USH2A: variants seen among roughly 807,000 people sequenced by gnomAD.
USH2A encodes the protein usherin.
In USH2A, 443 loss-of-function variants were observed where a neutral mutation model predicts 538.9. The observed-to-expected ratio is 0.82, with a 90% CI of 0.76 to 0.89. The LOEUF (loss-of-function observed/expected upper bound fraction) is 0.89. USH2A is among the 40% of genes least tolerant of loss of function. The probability of loss-of-function intolerance (pLI) is 0.00; values close to 1 mark genes in which losing one functional copy is unlikely to be tolerated. For synonymous variants in USH2A, 2,413 were observed against 2,273.5 expected (o/e 1.06, Z -1.75); for missense variants, 6,633 against 6,324.8 (o/e 1.05, Z -1.65).
intron 37 of USH2A, among the ~76,000 whole-genome samples, chr1:215,951,083 T>G (rs1285122334): frequency 1.3e-5 from 2 of 152,194 alleles, no homozygotes; most frequent in Admixed American, 1.3e-4. Context: ...AGTTATTTCT[T>G]GCCTTCTGCT....
At chr1:215,861,838 C>CT (rs11461966) in intron 44 of USH2A, among the ~76,000 whole-genome samples, 41,670 of 109,208 alleles carry the variant, frequency 0.38, 9,656 homozygotes, top group Admixed American at 0.44. Flanking sequence ...GTAGTTTTCG[C>CT]TTTTTTTTTT....
chr1:216,407,510 A>G (rs1397722089), intron 3 of USH2A, among the ~76,000 whole-genome samples: 1 of 152,110 alleles, frequency 6.6e-6, no homozygotes. Flanking sequence ...GCTGCATAGA[A>G]TACTTTTGAA....
chr1:215,883,368 G>T (rs570311462), intron 41 of USH2A, among the ~76,000 whole-genome samples: 2 of 151,682 alleles, frequency 1.3e-5, no homozygotes, highest in African/African-American at 4.8e-5. Context: ...TTTTTTTGGT[G>T]GGTGGGGGGG....
At chr1:216,173,847 A>T in intron 21 of USH2A, 1 of 585,438 alleles carries the variant, frequency 1.7e-6, no homozygotes, top group Non-Finnish European at 2.2e-6. Context: ...ACACATCTCA[A>T]GCCAAATATT....
intron 43 of USH2A, among the ~76,000 whole-genome samples, chr1:215,872,299 A>G (rs1664643148): frequency 6.6e-6 from 1 of 152,352 alleles, no homozygotes; most frequent in East Asian, 1.9e-4. Context: ...TAGACACTTT[A>G]AAAAATCTAT....
At chr1:215,662,681 C>G (rs191455905) in intron 64 of USH2A, among the ~76,000 whole-genome samples, 9 of 152,280 alleles carry the variant, frequency 5.9e-5, no homozygotes, top group Non-Finnish European at 1.2e-4. Context: ...CACTCAGGCC[C>G]TAAAGTTTTA....
chr1:215,848,729 C>T (rs1410012718), intron 44 of USH2A, among the ~76,000 whole-genome samples: 2 of 152,198 alleles, frequency 1.3e-5, no homozygotes, highest in African/African-American at 4.8e-5. Context: ...ACATTTGCTT[C>T]AACACTTGTT....
chr1:216,062,531 C>A (rs2031219966), intron 30 of USH2A, among the ~76,000 whole-genome samples: 1 of 152,140 alleles, frequency 6.6e-6, no homozygotes, highest in Non-Finnish European at 1.5e-5. Flanking sequence ...ATTGAACACT[C>A]ACTATGTGCC....
intron 11 of USH2A, among the ~76,000 whole-genome samples, chr1:216,267,610 T>A (rs1010952261): frequency 6.6e-6 from 1 of 152,104 alleles, no homozygotes; most frequent in Non-Finnish European, 1.5e-5. Context: ...ACATCTCTTT[T>A]GGGAAAGTGT....
chr1:215,665,468 A>AG (rs929357038), intron 64 of USH2A, among the ~76,000 whole-genome samples: 6 of 152,244 alleles, frequency 3.9e-5, no homozygotes, highest in East Asian at 3.9e-4. Flanking sequence ...AATCAGTGAA[A>AG]GGGGGGGTGG....
At chr1:215,753,193 A>T (rs1660677725) in intron 58 of USH2A, among the ~76,000 whole-genome samples, 1 of 152,070 alleles carries the variant, frequency 6.6e-6, no homozygotes, top group African/African-American at 2.4e-5. Context: ...AGAAATAGGA[A>T]CACTTTTACA....
chr1:216,317,576 G>A (rs2037532303), intron 9 of USH2A, among the ~76,000 whole-genome samples: 1 of 152,046 alleles, frequency 6.6e-6, no homozygotes, highest in Non-Finnish European at 1.5e-5. Context: ...GGCCAGGAGT[G>A]GTGGCTCATG....
At chr1:216,149,515 CA>C (rs758163981) in intron 21 of USH2A, among the ~76,000 whole-genome samples, 31 of 152,170 alleles carry the variant, frequency 2.0e-4, no homozygotes, top group Non-Finnish European at 4.1e-4. Context: ...AAGGATTGGA[CA>C]GTACTTTTAC....
intron 61 of USH2A, among the ~76,000 whole-genome samples, chr1:215,685,687 A>AT (rs2102676857): frequency 1.4e-5 from 1 of 69,714 alleles, no homozygotes; most frequent in African/African-American, 4.1e-5. Flanking sequence ...AGAAATTATT[A>AT]TTATTATTTT....
chr1:215,691,679 T>A (rs368080794), intron 61 of USH2A, among the ~76,000 whole-genome samples: 7 of 152,324 alleles, frequency 4.6e-5, no homozygotes, highest in African/African-American at 1.4e-4. Flanking sequence ...CTGTCTTTCC[T>A]TGCCAGAATG....
chr1:216,208,198 G>A (rs555456150), intron 15 of USH2A, among the ~76,000 whole-genome samples: 22 of 151,794 alleles, frequency 1.4e-4, no homozygotes, highest in South Asian at 6.2e-4. Context: ...ACCAGAATAC[G>A]CAAAGATAAA....
chr1:216,094,020 G>A (rs2102569873), intron 22 of USH2A, among the ~76,000 whole-genome samples: 1 of 152,130 alleles, frequency 6.6e-6, no homozygotes, highest in East Asian at 1.9e-4. Flanking sequence ...AACTCACTTT[G>A]TATACTTTAA....
chr1:216,419,487 C>T (rs2039639303), intron 2 of USH2A, among the ~76,000 whole-genome samples: 3 of 152,084 alleles, frequency 2.0e-5, no homozygotes, highest in South Asian at 2.1e-4. Context: ...CACCTGGTTA[C>T]CTCCTACTTA....
At chr1:215,826,372 C>A (rs1452186759) in intron 47 of USH2A, among the ~76,000 whole-genome samples, 4 of 152,094 alleles carry the variant, frequency 2.6e-5, no homozygotes, top group African/African-American at 9.7e-5. Flanking sequence ...CATACAATTG[C>A]CCAAGAAAGC....
Sources: gnomAD v4.1 joint callset for allele counts (sites outside exome capture counted in the v4.1 genomes callset) on GRCh38, gnomAD v4.1.1 for gene constraint, MANE v1.5 for transcripts, NCBI Gene and HGNC (gene_info 2026-07-23, HGNC 2026-07-21) for gene names.